Variants in AKAP6 observed in about 807,000 individuals in gnomAD.
AKAP6 encodes A-kinase anchoring protein 6, also known as A-kinase anchor protein 6.
In AKAP6, 58 loss-of-function variants were observed where a neutral mutation model predicts 188.5. The observed-to-expected ratio is 0.31, with a 90% CI of 0.25 to 0.38. The LOEUF (loss-of-function observed/expected upper bound fraction) is 0.38, where lower values mean the gene tolerates loss of function less well. Among genes scored for constraint, AKAP6 ranks in the 10% least tolerant of loss-of-function variants. The pLI is 1.00. For synonymous variants in AKAP6, 989 were observed against 998.6 expected, an observed-to-expected ratio of 0.99 and a Z score of 0.18; for missense variants, 2,710 against 2,740.0, an observed-to-expected ratio of 0.99 and a Z score of 0.24.
rs1305050001 is a variant in AKAP6, at chr14:32,821,588, C to A, written c.3775C>A (p.Pro1259Thr). Residue 1259 changes from proline to threonine, a missense_variant, in exon 13 of 14, where the codon CCT becomes ACT. This residue lies in a region of AKAP6 where 2,473 missense variants were observed against 2,426.1 expected (regional missense o/e 1.02). Transcript: ENST00000280979. ...GCTTGGAGAGACAAGTAATGAGGAC[C>A]CTGGTTATGACGAGGAGGCTGATAA... ...LKLGETSNED[P>T]GYDEEADNHG... 4 of 1,613,464 alleles carry A rather than the reference C, an allele frequency of 2.5e-6. No homozygotes were observed. The highest frequency in any genetic ancestry group is 4.5e-5 in the East Asian group (2 of 44,860).
At chr14:32,760,561 G>A (rs1027089734) in intron 11 of AKAP6, among the ~76,000 whole-genome samples, 14 of 152,140 alleles carry the variant, frequency 9.2e-5, no homozygotes, top group African/African-American at 3.4e-4. Context: ...CTTGTGTTCT[G>A]TCTTGCTGCC....
At chr14:32,535,410 C>T in intron 2 of AKAP6, 144 bp from the exon 3 acceptor site, 1 of 972,400 alleles carries the variant, frequency 1.0e-6, no homozygotes, top group Non-Finnish European at 1.5e-6. Flanking sequence ...GGTATCTGAA[C>T]TAAAACAAAG....
At chr14:32,808,482 T>C (rs948303341) in intron 12 of AKAP6, among the ~76,000 whole-genome samples, 1 of 152,228 alleles carries the variant, frequency 6.6e-6, no homozygotes, top group Admixed American at 6.5e-5. Context: ...ATTTTAAAGG[T>C]CATTCCTGTA....
chr14:32,798,803 G>C (rs948409028), intron 12 of AKAP6, among the ~76,000 whole-genome samples: 1 of 151,748 alleles, frequency 6.6e-6, no homozygotes, highest in African/African-American at 2.4e-5. Context: ...AAAATAATCT[G>C]TACACCAAAA....
intron 12 of AKAP6, among the ~76,000 whole-genome samples, chr14:32,804,697 C>T (rs12892780): frequency 6.6e-6 from 1 of 151,864 alleles, no homozygotes; most frequent in African/African-American, 2.4e-5. Flanking sequence ...TTTCCCCACC[C>T]TAATAAGCCT....
chr14:32,689,644 A>G (rs1322595298), intron 8 of AKAP6, among the ~76,000 whole-genome samples: 2 of 152,160 alleles, frequency 1.3e-5, no homozygotes, highest in Non-Finnish European at 2.9e-5. Flanking sequence ...ATCAGATTCC[A>G]TGTCTGGAAA....
intron 8 of AKAP6, among the ~76,000 whole-genome samples, chr14:32,679,924 TA>T (rs1465384287): frequency 6.6e-6 from 1 of 152,204 alleles, no homozygotes; most frequent in Non-Finnish European, 1.5e-5. Context: ...TTTGAGGCCT[TA>T]ATGTGCTTTA....
At position 32,765,532 on chromosome 14, in the gene AKAP6, T is replaced by C. The variant is rs181185449; in HGVS notation, c.3373-8146T>C. 8.9e-4 allele frequency among the ~76,000 whole-genome samples: 135 copies of C among 152,354 alleles called. 3 individuals carry two copies. The East Asian group carries it at 0.023, about 26-fold the overall frequency. On this transcript the variant is annotated intron_variant, in intron 11 of 13. Transcript: ENST00000280979. ...TCATAGTCTTCTATGTTTACTTTTA[T>C]GTTTATGTTTTATGCTATTTCTAGG... is the stretch of plus-strand genomic sequence containing the variant.
intron 1 of AKAP6, among the ~76,000 whole-genome samples, chr14:32,359,540 A>G (rs913247755): frequency 9.9e-5 from 15 of 151,020 alleles, no homozygotes; most frequent in Admixed American, 1.3e-4. Flanking sequence ...ATACATTACT[A>G]TTAACTAAAC....
chr14:32,446,949 T>A (rs1213911629), intron 2 of AKAP6, among the ~76,000 whole-genome samples: 1 of 152,202 alleles, frequency 6.6e-6, no homozygotes, highest in Admixed American at 6.5e-5. Flanking sequence ...TTTATAGATT[T>A]GTTACCCAAA....
chr14:32,735,107 T>A (rs957405459), intron 10 of AKAP6, among the ~76,000 whole-genome samples: 7 of 152,130 alleles, frequency 4.6e-5, no homozygotes, highest in Admixed American at 3.3e-4. Context: ...ATCAACAACA[T>A]CACCAAGGAG....
At chr14:32,726,585 C>T (rs192984212) in intron 9 of AKAP6, among the ~76,000 whole-genome samples, 8 of 152,234 alleles carry the variant, frequency 5.3e-5, no homozygotes, top group African/African-American at 1.7e-4. Flanking sequence ...CGCATTAACA[C>T]GTTATGGTGA....
chr14:32,342,475 AT>A (rs1253358389), intron 1 of AKAP6, among the ~76,000 whole-genome samples: 2 of 152,086 alleles, frequency 1.3e-5, no homozygotes, highest in African/African-American at 4.8e-5. Context: ...ACCCCATATA[AT>A]TTTTGATTGT....
intron 1 of AKAP6, among the ~76,000 whole-genome samples, chr14:32,339,838 C>G (rs1482942895): frequency 2.0e-5 from 3 of 152,082 alleles, no homozygotes; most frequent in Admixed American, 2.0e-4. Context: ...ATTAAGAGAG[C>G]CTAATTCTAT....
intron 1 of AKAP6, among the ~76,000 whole-genome samples, chr14:32,425,484 A>G (rs2145592): frequency 0.97 from 147,965 of 152,066 alleles, 72,039 homozygotes; most frequent in East Asian, 1. Flanking sequence ...TAGCTACTTG[A>G]GAGGCTGAGG....
chr14:32,505,742 G>A (rs972667649), intron 2 of AKAP6, among the ~76,000 whole-genome samples: 14 of 152,056 alleles, frequency 9.2e-5, no homozygotes, highest in South Asian at 6.2e-4. Context: ...GAAGTCATAC[G>A]GTATTTATAT....
intron 11 of AKAP6, among the ~76,000 whole-genome samples, chr14:32,743,602 C>G (rs995087638): frequency 6.6e-6 from 1 of 152,050 alleles, no homozygotes; most frequent in African/African-American, 2.4e-5. Flanking sequence ...TTATTTTAAG[C>G]TGATAACAAC....
intron 12 of AKAP6, among the ~76,000 whole-genome samples, chr14:32,815,805 A>G (rs531736662): frequency 3.3e-5 from 5 of 152,294 alleles, no homozygotes; most frequent in African/African-American, 1.2e-4. Flanking sequence ...CTAGGACTTT[A>G]CGTACATTTT....
At chr14:32,487,524 C>T (rs973054883) in intron 2 of AKAP6, among the ~76,000 whole-genome samples, 3 of 152,234 alleles carry the variant, frequency 2.0e-5, no homozygotes, top group Non-Finnish European at 4.4e-5. Context: ...CATTACCCAC[C>T]TTCTGAAGCC....
Sources: allele counts gnomAD v4.1 joint callset (sites outside exome capture counted in the v4.1 genomes callset), GRCh38; gene constraint gnomAD v4.1.1; regional missense constraint gnomAD v4.1.1; transcripts MANE v1.5; gene names NCBI Gene and HGNC (gene_info 2026-07-23, HGNC 2026-07-21).